Variants in ARHGAP11A observed in about 807,000 individuals in gnomAD.
The protein encoded by ARHGAP11A is Rho GTPase activating protein 11A.
Under a neutral mutation model 60.5 loss-of-function variants are expected in ARHGAP11A, and 36 were observed. The ratio of observed to expected loss-of-function variants is 0.59; its 90% CI spans 0.46 to 0.79. ARHGAP11A has a LOEUF of 0.79. Among genes scored for constraint, ARHGAP11A ranks in the 30% least tolerant of loss-of-function variants. The pLI is 0.00. For missense variants in ARHGAP11A, 1,071 were observed against 1,199.2 expected, an observed-to-expected ratio of 0.89 and a Z score of 1.58; for synonymous variants, 362 against 415.5, an observed-to-expected ratio of 0.87 and a Z score of 1.57.
chr15:32,628,665 T>C, intron 6 of ARHGAP11A, 63 bp from the exon 7 acceptor site: 1 of 1,277,822 alleles, frequency 7.8e-7, no homozygotes, highest in South Asian at 1.4e-5. Context: ...CAAATATTAA[T>C]ATGAATTATT....
At chr15:32,624,098 G>A in intron 3 of ARHGAP11A, 75 bp from the exon 4 acceptor site, 1 of 1,594,998 alleles carries the variant, frequency 6.3e-7, no homozygotes. Flanking sequence ...TGTAATTAGA[G>A]TATAACAAAA....
rs745609478 is a variant in ARHGAP11A at position 32,637,903 on chromosome 15, C to T, written c.*58C>T. On this transcript the variant is annotated 3_prime_UTR_variant, in exon 12 of 12. Transcript: ENST00000361627. ...TAAAGTGAGTAATTGGTATGACTTG[C>T]AGGATGATGTACATGTTAGTTTGTA... is the stretch of plus-strand genomic sequence containing the variant. 8.0e-6 allele frequency: 11 copies of T among 1,371,526 alleles called. No homozygotes were observed. The African/African-American group carries it at 1.5e-4, about 18-fold the overall frequency. The allele number at this position is 1,371,526 out of a possible 1,614,324, so 85.0% of individuals were successfully genotyped here. A position where few individuals can be genotyped will look rare whatever the true frequency, so the allele number is the denominator to read the frequency against.
At chr15:32,634,739 A>T (rs542016934) in intron 10 of ARHGAP11A, among the ~76,000 whole-genome samples, 1 of 152,340 alleles carries the variant, frequency 6.6e-6, no homozygotes, top group East Asian at 1.9e-4. Context: ...CAGTTATGGC[A>T]AATCGTTCTT....
At chr15:32,635,370 A>G (rs1179217588) in intron 10 of ARHGAP11A, among the ~76,000 whole-genome samples, 1 of 152,160 alleles carries the variant, frequency 6.6e-6, no homozygotes, top group African/African-American at 2.4e-5. Context: ...TTCACCTTGT[A>G]TATTGTATTT....
chr15:32,616,562 A>G (rs999469261), intron 1 of ARHGAP11A, among the ~76,000 whole-genome samples: 6 of 152,174 alleles, frequency 3.9e-5, no homozygotes, highest in Admixed American at 1.3e-4. Flanking sequence ...GGATTTTCCA[A>G]CTTCAGCACT....
intron 1 of ARHGAP11A, among the ~76,000 whole-genome samples, chr15:32,619,305 T>A (rs1215882483): frequency 6.6e-6 from 1 of 152,204 alleles, no homozygotes; most frequent in Non-Finnish European, 1.5e-5. Flanking sequence ...AGGCTTGAAT[T>A]TACCTTTCAG....
chr15:32,636,572 A>G lies in ARHGAP11A; in HGVS notation c.1799A>G (p.Gln600Arg). The change falls in exon 12 of 12, where the codon CAA becomes CGA. Residue 600 changes from glutamine (Q) to arginine (R), a missense_variant. Around this residue, in one of 4 missense-constraint regions of ARHGAP11A, gnomAD observed 776 missense variants for 760.2 expected, o/e 1.02. Coordinates refer to ENST00000361627, the MANE Select transcript of ARHGAP11A (RefSeq NM_014783.6). Reference sequence around the variant, plus strand: ...ACCAAAGAGACTTTGGTGAAAGTTCAAAAAGCGTTTTCTGAATCTGGAAGT... The same window carrying G: ...ACCAAAGAGACTTTGGTGAAAGTTCGAAAAGCGTTTTCTGAATCTGGAAGT... ...NMTKETLVKV[Q>R]KAFSESGSNL... is the part of the protein sequence containing the mutation. 1.2e-6 allele frequency: 2 copies of G among 1,614,148 alleles called. No homozygotes were observed.
intron 8 of ARHGAP11A, among the ~76,000 whole-genome samples, chr15:32,629,990 T>C (rs1420586490): frequency 2.5e-5 from 3 of 118,800 alleles, no homozygotes; most frequent in African/African-American, 7.2e-5. Context: ...ACAACATCTA[T>C]TGAAAGTTGT....
At chr15:32,621,300 C>T (rs1371963155) in intron 2 of ARHGAP11A, among the ~76,000 whole-genome samples, 1 of 147,528 alleles carries the variant, frequency 6.8e-6, no homozygotes, top group Non-Finnish European at 1.5e-5. Flanking sequence ...AAGTGATTCT[C>T]CTGCCTCAGC....
At chr15:32,633,871 A>G in intron 9 of ARHGAP11A, 62 bp from the exon 10 acceptor site, 3 of 995,750 alleles carry the variant, frequency 3.0e-6, no homozygotes, top group East Asian at 2.7e-5. Context: ...CAAATTTCGT[A>G]TTTCAAGTAT....
chr15:32,637,538 A>C lies in ARHGAP11A; in HGVS notation c.2765A>C (p.Glu922Ala), dbSNP rs773496150. 1 of 1,614,108 alleles carries C rather than the reference A, an allele frequency of 6.2e-7. No individual in the cohort carries two copies. Among genetic ancestry groups the C allele is most frequent in the South Asian group, 1.1e-5 (1 of 91,076 alleles). ...NIGAISKSSM[E>A]LPSKSFLKMR... Reference sequence around the variant, plus strand: ...GGTGCAATTTCAAAGTCAAGCATGGAGTTACCCTCGAAATCTTTCTTAAAG... The same window carrying C: ...GGTGCAATTTCAAAGTCAAGCATGGCGTTACCCTCGAAATCTTTCTTAAAG... Residue 922 changes from glutamate (E) to alanine (A), a missense_variant, in exon 12 of 12, where the codon GAG (glutamate) becomes GCG (alanine). Around this residue, in one of 4 missense-constraint regions of ARHGAP11A, gnomAD observed 776 missense variants for 760.2 expected, o/e 1.02. Coordinates refer to ENST00000361627, the MANE Select transcript of ARHGAP11A (RefSeq NM_014783.6).
At position 32,633,976 on chromosome 15, in the gene ARHGAP11A, C is replaced by A. The variant is rs148615633; in HGVS notation, c.1279C>A (p.His427Asn). The change falls in exon 10 of 12, where the codon CAT becomes AAT. Residue 427 changes from histidine to asparagine, a missense_variant. Physicochemically the swap from His to Asn is moderately conservative, Grantham distance 68. This residue lies in a region of ARHGAP11A where 776 missense variants were observed against 760.2 expected (regional missense o/e 1.02). Coordinates refer to ENST00000361627, the MANE Select transcript of ARHGAP11A (RefSeq NM_014783.6). The stretch of plus-strand genomic sequence containing the variant: ...AGGCTGCTTTTCTCCTAAAATCAGC[C>A]ATAAAGAAAAGGTTCGAAGATCTCT... The part of the protein sequence containing the change: ...KAGCFSPKIS[H>N]KEKVRRSLRL... 1.2e-6 allele frequency: 2 copies of A among 1,606,350 alleles called. No homozygotes were observed. The highest frequency in any genetic ancestry group is 2.7e-5 in the African/African-American group (2 of 74,428).
rs2053565963 is a variant in ARHGAP11A at position 32,630,743 on chromosome 15, ACTT to A, written c.1105+986_1105+988del. Among the ~76,000 whole-genome samples the A allele has an allele frequency of 2.6e-5, 4 of 152,302 alleles. No homozygotes were observed. The South Asian group carries it at 8.3e-4, about 32-fold the overall frequency. ...AACTTGAGGTTTTCCAGAAAAAAAC[ACTT>A]CTTCACAGGTTCTCTAGGGCTCATT... On this transcript the variant is annotated intron_variant, in intron 8 of 11. Coordinates refer to ENST00000361627, the MANE Select transcript of ARHGAP11A (RefSeq NM_014783.6).
chr15:32,635,756 A>C (rs2053691773), intron 10 of ARHGAP11A, 21 bp from the exon 11 acceptor site: 6 of 1,481,592 alleles, frequency 4.0e-6, no homozygotes, highest in Non-Finnish European at 3.6e-6. Flanking sequence ...TCTTAACTAA[A>C]ACTTTTTTTT....
chr15:32,623,660 T>G, intron 3 of ARHGAP11A, 72 bp downstream of exon 3: 1 of 1,366,748 alleles, frequency 7.3e-7, no homozygotes, highest in Non-Finnish European at 1.0e-6. Context: ...ACTGAAATAT[T>G]TAGAACTATT....
At position 32,623,551 on chromosome 15, in the gene ARHGAP11A, G is replaced by A. The variant is rs1218348055; in HGVS notation, c.260G>A (p.Arg87Gln). The change falls in exon 3 of 12, where the codon CGG becomes CAG. Residue 87 changes from arginine (R) to glutamine (Q), a missense_variant. This residue lies in a region of ARHGAP11A where 71 missense variants were observed against 142.4 expected (regional missense o/e 0.50). Transcript: ENST00000361627. ...CATATTCATACCGAAGGGCTTTTTC[G>A]GAAATCAGGATCTGTGATTCGCCTA... ...EDHIHTEGLF[R>Q]KSGSVIRLKA... 3 of 1,613,858 alleles carry A rather than the reference G, an allele frequency of 1.9e-6. No individual in the cohort carries two copies. Among genetic ancestry groups the A allele is most frequent in the East Asian group, 2.2e-5 (1 of 44,884 alleles).
rs781640894 is a variant in ARHGAP11A, at chr15:32,628,790, G to C, written c.925G>C (p.Glu309Gln). 3.7e-5 allele frequency: 58 copies of C among 1,550,796 alleles called. No individual in the cohort carries two copies. The highest frequency in any genetic ancestry group is 1.2e-4 in the East Asian group (5 of 41,508). The change falls in exon 7 of 12, where the codon GAA becomes CAA. Residue 309 changes from glutamate (E) to glutamine (Q), a missense_variant. This residue lies in a region of ARHGAP11A where 196 missense variants were observed against 272.1 expected (regional missense o/e 0.72). Coordinates refer to ENST00000361627, the MANE Select transcript of ARHGAP11A (RefSeq NM_014783.6). The part of the protein sequence containing the change: ...PNRTPSITPQ[E>Q]ERIAQLSESP... ...CAGAACACCTTCTATTACACCTCAA[G>C]AAGAAAGAATTGGTAGGTATTTATT...
At position 32,636,409 on chromosome 15, in the gene ARHGAP11A, G is replaced by A; in HGVS notation, c.1636G>A (p.Val546Ile). The change falls in exon 12 of 12, where the codon GTA becomes ATA. Residue 546 changes from valine (V) to isoleucine (I), a missense_variant. Val to Ile is a conservative substitution (Grantham distance 29, BLOSUM62 3). This residue lies in a region of ARHGAP11A where 776 missense variants were observed against 760.2 expected (regional missense o/e 1.02). Coordinates refer to ENST00000361627, the MANE Select transcript of ARHGAP11A (RefSeq NM_014783.6). ...EASSMVENLE[V>I]ENSLEPDIMV... is the part of the protein sequence containing the mutation. Reference sequence around the variant, plus strand: ...TTCTTCAATGGTGGAAAATCTTGAGGTAGAAAACTCTTTGGAGCCTGATAT... The same window carrying A: ...TTCTTCAATGGTGGAAAATCTTGAGATAGAAAACTCTTTGGAGCCTGATAT... The A allele has an allele frequency of 6.2e-7, 1 of 1,614,058 alleles. No homozygotes were observed. The highest frequency in any genetic ancestry group is 8.5e-7 in the Non-Finnish European group (1 of 1,179,968).
At chr15:32,631,767 C>T (rs967405622) in intron 8 of ARHGAP11A, among the ~76,000 whole-genome samples, 3 of 152,052 alleles carry the variant, frequency 2.0e-5, no homozygotes, top group African/African-American at 4.8e-5. Flanking sequence ...CATCCACCTC[C>T]GATGTTCAAG....
Sources: gnomAD v4.1 joint callset for allele counts (sites outside exome capture counted in the v4.1 genomes callset) on GRCh38, gnomAD v4.1.1 for gene constraint, gnomAD v4.1.1 regional missense constraint, MANE v1.5 for transcripts, NCBI Gene and HGNC (gene_info 2026-07-23, HGNC 2026-07-21) for gene names.